The following WDR17 variants were observed in gnomAD, a reference collection of about 807,000 sequenced individuals.
WDR17 encodes the protein WD repeat domain 17.
Under a neutral mutation model 161.7 loss-of-function variants are expected in WDR17, and 143 were observed. The ratio of observed to expected loss-of-function variants is 0.88; its 90% CI spans 0.77 to 1.02. WDR17 has a LOEUF of 1.02. WDR17 is among the 50% of genes least tolerant of loss of function. The pLI is 0.00. For missense variants in WDR17, 1,469 were observed against 1,520.9 expected, an observed-to-expected ratio of 0.97 and a Z score of 0.57; for synonymous variants, 517 against 515.6, an observed-to-expected ratio of 1.00 and a Z score of -0.04.
chr4:176,163,027 T>G (rs905521611), intron 21 of WDR17, 127 bp from the exon 22 acceptor site: 2 of 1,187,768 alleles, frequency 1.7e-6, no homozygotes, highest in Non-Finnish European at 2.4e-6. Context: ...AATATTACAG[T>G]CAATATTTTA....
At position 176,177,591 on chromosome 4, in the gene WDR17, TG is replaced by T. The variant is rs1751628172; in HGVS notation, c.3671del (p.Gly1224AspfsTer18). 1 of 1,596,946 alleles carries T rather than the reference TG, an allele frequency of 6.3e-7. No individual in the cohort carries two copies. The highest frequency in any genetic ancestry group is 1.9e-5 in the Admixed American group (1 of 53,330). ...KGIIGPDYVT[G>X]SNLPSHSDIH... ...GAATTATTGGACCAGATTATGTGAC[TG>T]GATCAAATCTTCCAAGTCATTCTGA... is the stretch of plus-strand genomic sequence containing the variant. On this transcript the variant is annotated frameshift_variant, in exon 28 of 29. Transcript: ENST00000508596. LOFTEE classifies it high-confidence loss of function.
At chr4:176,073,993 G>A (rs1427582345) in intron 1 of WDR17, among the ~76,000 whole-genome samples, 1 of 150,444 alleles carries the variant, frequency 6.6e-6, no homozygotes, top group South Asian at 2.1e-4. Flanking sequence ...TGTAGATTCT[G>A]GATATTAGCC....
chr4:176,104,848 G>A (rs551213093), intron 1 of WDR17, among the ~76,000 whole-genome samples: 5 of 151,980 alleles, frequency 3.3e-5, no homozygotes, highest in African/African-American at 9.6e-5. Flanking sequence ...GAAGCATATT[G>A]GAAATGAATA....
chr4:176,125,893 A>G (rs66689978), intron 5 of WDR17, among the ~76,000 whole-genome samples: 37,613 of 152,158 alleles, frequency 0.25, 4,790 homozygotes, highest in South Asian at 0.28. Flanking sequence ...GCTAATGTAA[A>G]GAGGCTGGGA....
chr4:176,088,042 C>T (rs1735644407), intron 1 of WDR17, among the ~76,000 whole-genome samples: 1 of 152,058 alleles, frequency 6.6e-6, no homozygotes, highest in Non-Finnish European at 1.5e-5. Flanking sequence ...CAGGTTTTCA[C>T]CATGTTGGCC....
At chr4:176,072,499 G>A (rs372469083) in intron 1 of WDR17, among the ~76,000 whole-genome samples, 1 of 152,190 alleles carries the variant, frequency 6.6e-6, no homozygotes, top group Non-Finnish European at 1.5e-5. Flanking sequence ...CTGATTAAGA[G>A]ATTTTTGAAA....
chr4:176,143,007 G>GAT (rs1269831153), intron 11 of WDR17, among the ~76,000 whole-genome samples: 9 of 152,176 alleles, frequency 5.9e-5, no homozygotes, highest in Non-Finnish European at 1.5e-5. Flanking sequence ...AGCCTCCTGA[G>GAT]TAGCTGGGAT....
Position 176,137,532 on chromosome 4 carries a change from G to C in WDR17, c.1280G>C (p.Cys427Ser). 1 of 1,602,126 alleles carries C rather than the reference G, an allele frequency of 6.2e-7. No individual in the cohort carries two copies. The highest frequency in any genetic ancestry group is 1.1e-5 in the South Asian group (1 of 89,350). Residue 427 changes from cysteine (C) to serine (S), a missense_variant, in exon 9 of 29, where the codon TGT (cysteine) becomes TCT (serine). Physicochemically the swap from Cys to Ser is moderately radical, Grantham distance 112. Transcript: ENST00000508596. ...SLSWAPGGLN[C>S]IAGGTSRNGA... ...ATTGTTTCCTAAGGTGGTTTAAATT[G>C]TATTGCTGGGGGAACTTCCCGAAAT...
chr4:176,116,427 A>T (rs1235437659), intron 3 of WDR17, among the ~76,000 whole-genome samples: 5 of 151,870 alleles, frequency 3.3e-5, no homozygotes, highest in African/African-American at 1.2e-4. Flanking sequence ...AAGGTAGAAC[A>T]TCCTCATTCA....
At position 176,179,603 on chromosome 4, in the gene WDR17, AT is replaced by A. The variant is rs531364220; in HGVS notation, c.*35del. 0.012 allele frequency: 14,163 copies of A among 1,195,016 alleles called. 10 individuals carry two copies. The highest frequency in any genetic ancestry group is 0.027 in the South Asian group (1,640 of 59,904). The allele number at this position is 1,195,016 out of a possible 1,614,324, so 74.0% of individuals were successfully genotyped here. On this transcript the variant is annotated 3_prime_UTR_variant, in exon 29 of 29. Transcript: ENST00000508596. ...GATAGAAGATTTTTGTCCATGCTTG[AT>A]TTTTTTTTTTAAAGAAAAACTTTCA...
intron 11 of WDR17, among the ~76,000 whole-genome samples, chr4:176,143,373 T>C (rs1745603427): frequency 1.3e-5 from 2 of 152,064 alleles, no homozygotes; most frequent in African/African-American, 4.8e-5. Context: ...TCTGTCTAAA[T>C]ATTCATCTTG....
In WDR17 at chr4:176,152,294, CAAA is replaced by C. The variant is rs397837505; in HGVS notation, c.2460+345_2460+347del. On this transcript the variant is annotated intron_variant, in intron 17 of 28. Coordinates refer to ENST00000508596, the MANE Select transcript of WDR17 (RefSeq NM_181265.4). ...TGGGCTACAGAAAGAGACCCTATCT[CAAA>C]AAAAAAAAAAAAAAAAAGCCTGAGC... 2.6e-3 allele frequency among the ~76,000 whole-genome samples: 189 copies of C among 72,136 alleles called. 3 individuals carry two copies. Among genetic ancestry groups the C allele is most frequent in the Middle Eastern group, 9.8e-3 (1 of 102 alleles). The allele number at this position is 72,136 out of a possible 152,430, so 47.3% of individuals were successfully genotyped here.
rs1742853770 is a variant in WDR17 at position 176,128,725 on chromosome 4, CT to C, written c.791-12del. 1.9e-6 allele frequency: 3 copies of C among 1,590,300 alleles called. No individual in the cohort carries two copies. In the East Asian group the frequency reaches 6.8e-5, roughly 36 times the overall value. Reference sequence around the variant, plus strand: ...AAACTTGTTAAAATGTGCTTTTTCCCTGATCTGACTAGATTCTCAAGTGGGT... The same window carrying C: ...AAACTTGTTAAAATGTGCTTTTTCCCGATCTGACTAGATTCTCAAGTGGGT... On this transcript the variant is annotated splice_polypyrimidine_tract_variant and intron_variant, in intron 5 of 28. Transcript: ENST00000508596.
At chr4:176,094,136 T>C (rs955333415) in intron 1 of WDR17, among the ~76,000 whole-genome samples, 1 of 152,228 alleles carries the variant, frequency 6.6e-6, no homozygotes, top group Non-Finnish European at 1.5e-5. Flanking sequence ...TTAAGTGATT[T>C]TGTTTAGCTG....
In WDR17 at chr4:176,177,556, T is replaced by G. The variant is rs772426351; in HGVS notation, c.3634T>G (p.Ser1212Ala). 1 of 1,598,802 alleles carries G rather than the reference T, an allele frequency of 6.3e-7. No homozygotes were observed. The highest frequency in any genetic ancestry group is 8.5e-7 in the Non-Finnish European group (1 of 1,176,326). The change falls in exon 28 of 29, where the codon TCA (serine) becomes GCA (alanine). Residue 1212 changes from serine (S) to alanine (A), a missense_variant. By Grantham distance (99) the Ser-to-Ala change is moderately conservative. Transcript: ENST00000508596. ...ATLLKRLKEESLKGIIGPDYV... is the reference protein window; with the variant it reads ...ATLLKRLKEEALKGIIGPDYV... Reference sequence around the variant, plus strand: ...TTTATTAAAGAGACTAAAAGAAGAGTCACTGAAAGGAATTATTGGACCAGA... The same window carrying G: ...TTTATTAAAGAGACTAAAAGAAGAGGCACTGAAAGGAATTATTGGACCAGA...
At chr4:176,069,455 G>A (rs1342302683) in intron 1 of WDR17, among the ~76,000 whole-genome samples, 1 of 152,166 alleles carries the variant, frequency 6.6e-6, no homozygotes, top group Non-Finnish European at 1.5e-5. Flanking sequence ...TGATAAGGAT[G>A]ATTGATAATT....
intron 22 of WDR17, among the ~76,000 whole-genome samples, chr4:176,168,359 A>G (rs1426788344): frequency 1.3e-5 from 2 of 152,304 alleles, no homozygotes; most frequent in East Asian, 1.9e-4. Context: ...ACTCCAAAGA[A>G]CATATTCAAA....
intron 1 of WDR17, 179 bp from the exon 2 acceptor site, chr4:176,111,396 G>T: frequency 4.4e-6 from 2 of 452,260 alleles, no homozygotes; most frequent in African/African-American, 2.0e-5. Flanking sequence ...TTGCCTTGAT[G>T]TCTGCAGACA....
intron 22 of WDR17, among the ~76,000 whole-genome samples, chr4:176,164,636 C>G (rs113048046): frequency 0.016 from 2,409 of 152,270 alleles, 74 homozygotes; most frequent in African/African-American, 0.055. Context: ...GATACCCAAC[C>G]TGTACCACTT....
Sources: allele counts gnomAD v4.1 joint callset (sites outside exome capture counted in the v4.1 genomes callset), GRCh38; gene constraint gnomAD v4.1.1; transcripts MANE v1.5; gene names NCBI Gene and HGNC (gene_info 2026-07-23, HGNC 2026-07-21).